Variants in AUTS2 observed in about 807,000 individuals in gnomAD.
AUTS2 encodes the protein autism susceptibility gene 2 protein.
A neutral mutation model predicts 112.4 loss-of-function variants in AUTS2; 17 were observed. The ratio of observed to expected loss-of-function variants is 0.15; its 90% CI spans 0.10 to 0.23. The LOEUF is 0.23. Among genes scored for constraint, AUTS2 ranks in the 10% least tolerant of loss-of-function variants. AUTS2 has a pLI of 1.00. For synonymous variants in AUTS2, 751 were observed against 702.7 expected, an observed-to-expected ratio of 1.07 and a Z score of -1.09; for missense variants, 1,510 against 1,701.6, an observed-to-expected ratio of 0.89 and a Z score of 1.98.
intron 13 of AUTS2, 27 bp from the exon 14 acceptor site, chr7:70,777,076 T>A: frequency 2.5e-6 from 4 of 1,610,482 alleles, no homozygotes; most frequent in Non-Finnish European, 3.4e-6. Context: ...GTCTTCCTCC[T>A]AACCACGTTG....
At chr7:70,283,562 G>T (rs751914283) in intron 4 of AUTS2, among the ~76,000 whole-genome samples, 1 of 152,054 alleles carries the variant, frequency 6.6e-6, no homozygotes, top group East Asian at 1.9e-4. Context: ...ATATATGTAT[G>T]TATACACACA....
intron 5 of AUTS2, among the ~76,000 whole-genome samples, chr7:70,502,126 T>C: frequency 6.6e-6 from 1 of 152,186 alleles, no homozygotes; most frequent in East Asian, 1.9e-4. Flanking sequence ...CCTCCGTGAC[T>C]TTCCTCTCCC....
Position 69,914,180 on chromosome 7 carries a change from C to T in AUTS2, c.522+14682C>T, listed in dbSNP as rs568631541. Among the ~76,000 whole-genome samples, 21 of 152,220 alleles carry T rather than the reference C, an allele frequency of 1.4e-4. No homozygotes were observed. The South Asian group carries it at 4.2e-3, about 30-fold the overall frequency. ...CTACTGAGGAGAGATATCACCTCCACCACAGTGTTTGTAGCACATTGCCTG... is the reference window on the plus strand; with the variant it reads ...CTACTGAGGAGAGATATCACCTCCATCACAGTGTTTGTAGCACATTGCCTG... On this transcript the variant is annotated intron_variant, in intron 2 of 18. Transcript: ENST00000342771.
intron 1 of AUTS2, among the ~76,000 whole-genome samples, chr7:69,766,544 A>G (rs1788430518): frequency 6.6e-6 from 1 of 152,174 alleles, no homozygotes; most frequent in Non-Finnish European, 1.5e-5. Flanking sequence ...ATAAGCAGCT[A>G]GATTTTTAAG....
chr7:70,625,745 C>T lies in AUTS2; in HGVS notation c.691-72824C>T, dbSNP rs1309692961. 5.3e-5 allele frequency among the ~76,000 whole-genome samples: 8 copies of T among 152,120 alleles called. No individual in the cohort carries two copies. In the East Asian group the frequency reaches 1.5e-3, roughly 29 times the overall value. On this transcript the variant is annotated intron_variant, in intron 5 of 18. Transcript: ENST00000342771. Reference sequence around the variant, plus strand: ...AGTAAATGACATGATATGTGATAGACCACGTACATTCGTGGCTATAGATAG... The same window carrying T: ...AGTAAATGACATGATATGTGATAGATCACGTACATTCGTGGCTATAGATAG...
intron 2 of AUTS2, among the ~76,000 whole-genome samples, chr7:70,117,104 GTTT>G (rs61076536): frequency 4.5e-4 from 35 of 78,440 alleles, no homozygotes; most frequent in African/African-American, 1.2e-3. Context: ...GATGACTTTT[GTTT>G]TTTTTTTTTG....
At chr7:70,610,547 C>G (rs574150012) in intron 5 of AUTS2, among the ~76,000 whole-genome samples, 20 of 150,320 alleles carry the variant, frequency 1.3e-4, no homozygotes, top group Non-Finnish European at 2.5e-4. Flanking sequence ...GCTTTCCCCC[C>G]ACTTCAGCCA....
intron 4 of AUTS2, among the ~76,000 whole-genome samples, chr7:70,247,848 A>G (rs1813006725): frequency 1.3e-5 from 2 of 152,284 alleles, no homozygotes; most frequent in South Asian, 4.1e-4. Flanking sequence ...AATGTTTCCC[A>G]TTAAATATGG....
At chr7:70,075,454 C>T (rs1231535096) in intron 2 of AUTS2, among the ~76,000 whole-genome samples, 1 of 152,132 alleles carries the variant, frequency 6.6e-6, no homozygotes, top group Non-Finnish European at 1.5e-5. Context: ...TTTATAAATA[C>T]ATGAACTACA....
intron 4 of AUTS2, among the ~76,000 whole-genome samples, chr7:70,294,789 C>A (rs1788857559): frequency 6.6e-6 from 1 of 152,176 alleles, no homozygotes; most frequent in East Asian, 1.9e-4. Flanking sequence ...GTGTTCCGGG[C>A]ATGGTGAGCA....
intron 4 of AUTS2, among the ~76,000 whole-genome samples, chr7:70,221,519 C>T (rs540604180): frequency 3.3e-5 from 5 of 152,282 alleles, no homozygotes; most frequent in South Asian, 2.1e-4. Context: ...CCCCAGCCTA[C>T]CCCTGGAGGA....
intron 6 of AUTS2, among the ~76,000 whole-genome samples, chr7:70,726,808 G>C (rs1787060903): frequency 6.6e-6 from 1 of 152,178 alleles, no homozygotes; most frequent in Non-Finnish European, 1.5e-5. Context: ...ATTGAGAGTG[G>C]ATCTGGCGCT....
At chr7:70,399,633 T>C (rs576987294) in intron 4 of AUTS2, among the ~76,000 whole-genome samples, 1 of 152,334 alleles carries the variant, frequency 6.6e-6, no homozygotes, top group African/African-American at 2.4e-5. Context: ...AGTGAGTGTC[T>C]AAAACACTCT....
intron 1 of AUTS2, among the ~76,000 whole-genome samples, chr7:69,618,475 G>A (rs746741451): frequency 1.3e-5 from 2 of 152,088 alleles, no homozygotes; most frequent in Non-Finnish European, 2.9e-5. Context: ...AGTGTGTTAC[G>A]GAATACAGGC....
chr7:70,458,948 G>A (rs1047998938), intron 5 of AUTS2, among the ~76,000 whole-genome samples: 3 of 152,130 alleles, frequency 2.0e-5, no homozygotes, highest in South Asian at 2.1e-4. Flanking sequence ...GCTGCCTGTC[G>A]CTCCCTGCAA....
intron 5 of AUTS2, among the ~76,000 whole-genome samples, chr7:70,482,772 C>T (rs1383908856): frequency 6.6e-6 from 1 of 152,074 alleles, no homozygotes; most frequent in Admixed American, 6.6e-5. Flanking sequence ...TGAGGAGCAT[C>T]GTTTATGCAG....
At chr7:70,755,603 G>A (rs1789148299) in intron 6 of AUTS2, among the ~76,000 whole-genome samples, 1 of 151,956 alleles carries the variant, frequency 6.6e-6, no homozygotes, top group South Asian at 2.1e-4. Flanking sequence ...AGGTGAGGCA[G>A]AGGCTGCAGT....
intron 2 of AUTS2, among the ~76,000 whole-genome samples, chr7:69,927,186 T>TTATA (rs67558137): frequency 0.092 from 13,118 of 142,270 alleles, 605 homozygotes; most frequent in South Asian, 0.12. Context: ...TCCAATATAT[T>TTATA]TATATATATA....
At position 69,599,868 on chromosome 7, in the gene AUTS2, C is replaced by T; in HGVS notation, c.215C>T (p.Pro72Leu). The T allele has an allele frequency of 6.2e-7, 1 of 1,613,260 alleles. No homozygotes were observed. Among genetic ancestry groups the T allele is most frequent in the Non-Finnish European group, 8.5e-7 (1 of 1,179,884 alleles). ...TCCTCCGCCCCGTCCCGGCCCAGAC[C>T]CCCGCGGAGGAAGCGGAGAGAGTCC... is the stretch of plus-strand genomic sequence containing the variant. ...PPSSAPSRPRPPRRKRRESTS... is the reference protein window; with the variant it reads ...PPSSAPSRPRLPRRKRRESTS... The change falls in exon 1 of 19, where the codon CCC becomes CTC. Residue 72 changes from proline to leucine, a missense_variant. Around this residue, in one of 3 missense-constraint regions of AUTS2, gnomAD observed 535 missense variants for 594.3 expected, o/e 0.90. Coordinates refer to ENST00000342771, the MANE Select transcript of AUTS2 (RefSeq NM_015570.4). This position sits in a 1 kb window ranked among gnomAD's most constrained non-coding sequence, Gnocchi z 7.0.
Sources: gnomAD v4.1 joint callset for allele counts (sites outside exome capture counted in the v4.1 genomes callset) on GRCh38, gnomAD v4.1.1 for gene constraint, gnomAD v4.1.1 regional missense constraint, Gnocchi (gnomAD v3.1) non-coding constraint, MANE v1.5 for transcripts, NCBI Gene and HGNC (gene_info 2026-07-23, HGNC 2026-07-21) for gene names.